The following RNF182 variants were observed in gnomAD, a reference collection of about 807,000 sequenced individuals.
RNF182 encodes ring finger protein 182.
A neutral mutation model predicts 14.4 loss-of-function variants in RNF182; 15 were observed. That is an observed-to-expected ratio of 1.04 (90% CI 0.70 to 1.60). RNF182 has a LOEUF of 1.60. RNF182 is among the 40% of genes most tolerant of loss of function. The probability of loss-of-function intolerance (pLI) is 0.00; values close to 1 mark genes in which losing one functional copy is unlikely to be tolerated. For synonymous variants in RNF182, 128 were observed against 122.9 expected (o/e 1.04, Z -0.27); for missense variants, 268 against 294.8 (o/e 0.91, Z 0.67).
intron 1 of RNF182, among the ~76,000 whole-genome samples, chr6:13,952,055 A>G (rs1759607733): frequency 6.6e-6 from 1 of 152,176 alleles, no homozygotes; most frequent in African/African-American, 2.4e-5. Context: ...TCTGGGCAAG[A>G]TGGAAAAGCA....
In RNF182 at chr6:13,978,150, G is replaced by A. The variant is rs561895189; in HGVS notation, c.*287G>A. 1.2e-4 allele frequency: 40 copies of A among 347,364 alleles called. No homozygotes were observed. In the South Asian group the frequency reaches 1.2e-3, roughly 10 times the overall value. 21.5% of individuals were successfully genotyped at this position (347,364 alleles called of 1,614,324 possible). A position where few individuals can be genotyped will look rare whatever the true frequency, so the allele number is the denominator to read the frequency against. ...TTTCTCTCAGCACTGCCAGACAGACGGCAGGGGTGTGGTGTGTTATACTAT... is the reference window on the plus strand; with the variant it reads ...TTTCTCTCAGCACTGCCAGACAGACAGCAGGGGTGTGGTGTGTTATACTAT... On this transcript the variant is annotated 3_prime_UTR_variant, in exon 3 of 3. Transcript: ENST00000488300.
chr6:13,946,438 T>TAAAG, intron 1 of RNF182, among the ~76,000 whole-genome samples: 1 of 152,150 alleles, frequency 6.6e-6, no homozygotes, highest in African/African-American at 2.4e-5. Context: ...GTGTTGGGAT[T>TAAAG]ACAGGCATGA....
At chr6:13,956,131 C>T (rs1002439102) in intron 1 of RNF182, among the ~76,000 whole-genome samples, 1 of 152,080 alleles carries the variant, frequency 6.6e-6, no homozygotes, top group African/African-American at 2.4e-5. Flanking sequence ...TTCATTCTTG[C>T]TTAGGGCTGA....
intron 1 of RNF182, among the ~76,000 whole-genome samples, chr6:13,959,565 A>G (rs1759814660): frequency 6.6e-6 from 1 of 152,194 alleles, no homozygotes; most frequent in South Asian, 2.1e-4. Context: ...CAAAACCTGG[A>G]TTAGGATGTT....
intron 1 of RNF182, among the ~76,000 whole-genome samples, chr6:13,969,108 G>T (rs9476174): frequency 0.019 from 2,873 of 149,548 alleles, 105 homozygotes; most frequent in African/African-American, 0.069. Context: ...TCTGTTTTTT[G>T]TTGTTGTTGT....
At chr6:13,951,436 G>T (rs1034817701) in intron 1 of RNF182, among the ~76,000 whole-genome samples, 1 of 152,200 alleles carries the variant, frequency 6.6e-6, no homozygotes, top group Middle Eastern at 3.2e-3. Context: ...CTCAGTTGGG[G>T]TGGGGACATT....
chr6:13,940,647 A>G (rs1300993094), intron 1 of RNF182, among the ~76,000 whole-genome samples: 2 of 151,706 alleles, frequency 1.3e-5, no homozygotes, highest in African/African-American at 4.8e-5. Flanking sequence ...TTTTGGCTTT[A>G]GGTTTTCTGT....
In RNF182 at chr6:13,977,143, C is replaced by T; in HGVS notation, c.24C>T (p.Asp8=). 2 of 1,613,828 alleles carry T rather than the reference C, an allele frequency of 1.2e-6. No homozygotes were observed. Among genetic ancestry groups the T allele is most frequent in the Non-Finnish European group, 8.5e-7 (1 of 1,179,824 alleles). ...AGATGGCCAGTCAACCTCCTGAAGA[C>T]ACTGCGGAGTCTCAGGCCTCTGATG... MASQPPE[D]TAESQASDEL... Residue 8 remains aspartate (D), a synonymous_variant, in exon 3 of 3, where the codon GAC becomes GAT. Transcript: ENST00000488300.
At chr6:13,931,963 G>A (rs1327609266) in intron 1 of RNF182, among the ~76,000 whole-genome samples, 1 of 152,192 alleles carries the variant, frequency 6.6e-6, no homozygotes, top group Non-Finnish European at 1.5e-5. Context: ...CTTCTGCCAT[G>A]TGAGAACACG....
At chr6:13,971,267 G>T (rs1313987250) in intron 1 of RNF182, among the ~76,000 whole-genome samples, 1 of 152,068 alleles carries the variant, frequency 6.6e-6, no homozygotes, top group Non-Finnish European at 1.5e-5. Flanking sequence ...GTTCTCATGA[G>T]ATCTGATGAT....
chr6:13,935,465 A>G (rs772170314), intron 1 of RNF182, among the ~76,000 whole-genome samples: 8 of 152,200 alleles, frequency 5.3e-5, no homozygotes, highest in Non-Finnish European at 1.2e-4. Flanking sequence ...CTGGCAGGAA[A>G]GTATTCCTAA....
chr6:13,944,185 GAA>G (rs1316779003), intron 1 of RNF182, among the ~76,000 whole-genome samples: 7 of 152,168 alleles, frequency 4.6e-5, no homozygotes, highest in Non-Finnish European at 8.8e-5. Flanking sequence ...AAGGTACAAG[GAA>G]AAGATTTACA....
intron 1 of RNF182, chr6:13,949,128 G>A: frequency 1.3e-6 from 1 of 773,788 alleles, no homozygotes; most frequent in Non-Finnish European, 2.4e-6. Context: ...TGCAGTGAGA[G>A]CAGCTTCAGG....
chr6:13,968,165 A>G (rs1760083264), intron 1 of RNF182, among the ~76,000 whole-genome samples: 2 of 152,210 alleles, frequency 1.3e-5, no homozygotes, highest in South Asian at 4.1e-4. Context: ...TGGTCTTTGA[A>G]AAGCACAGTA....
chr6:13,929,248 T>G (rs999326147), intron 1 of RNF182, among the ~76,000 whole-genome samples: 5 of 152,188 alleles, frequency 3.3e-5, no homozygotes, highest in Non-Finnish European at 7.4e-5. Flanking sequence ...AAAATAAAAC[T>G]GTGTGTTTGG....
chr6:13,954,106 A>G (rs1759669947), intron 1 of RNF182, among the ~76,000 whole-genome samples: 1 of 152,218 alleles, frequency 6.6e-6, no homozygotes, highest in Non-Finnish European at 1.5e-5. Flanking sequence ...AACAGTGATC[A>G]ACATATGGCC....
Position 13,977,621 on chromosome 6 carries a change from T to G in RNF182, c.502T>G (p.Trp168Gly). Residue 168 changes from tryptophan to glycine, a missense_variant, in exon 3 of 3, where the codon TGG becomes GGG. Physicochemically the swap from Trp to Gly is radical, Grantham distance 184. Coordinates refer to ENST00000488300, the MANE Select transcript of RNF182 (RefSeq NM_152737.4). ...FDSVTTVSHN[W>G]TVWNCTSLLF... ...CTCTGTCACCACTGTGTCACACAAC[T>G]GGACTGTGTGGAACTGCACGTCCCT... 6.2e-7 allele frequency: 1 copy of G among 1,614,198 alleles called. No homozygotes were observed. Among genetic ancestry groups the G allele is most frequent in the Non-Finnish European group, 8.5e-7 (1 of 1,180,026 alleles).
rs1322999059 is a variant in RNF182, at chr6:13,953,767, C to T, written c.-366-20443C>T. 5.3e-5 allele frequency among the ~76,000 whole-genome samples: 8 copies of T among 152,276 alleles called. No individual in the cohort carries two copies. The South Asian group carries it at 6.2e-4, about 12-fold the overall frequency. On this transcript the variant is annotated intron_variant, in intron 1 of 2. Coordinates refer to ENST00000488300, the MANE Select transcript of RNF182 (RefSeq NM_152737.4). ...TAGCACTCTGTGGGTCCTGCTCATGCGACATTGACCATCAAGCGTGGTAAT... is the reference window on the plus strand; with the variant it reads ...TAGCACTCTGTGGGTCCTGCTCATGTGACATTGACCATCAAGCGTGGTAAT...
chr6:13,928,731 T>G (rs1341210639), intron 1 of RNF182, among the ~76,000 whole-genome samples: 2 of 152,210 alleles, frequency 1.3e-5, no homozygotes, highest in Non-Finnish European at 2.9e-5. Flanking sequence ...CTTGCTTCTG[T>G]ATCTTATAAT....
Sources: allele counts gnomAD v4.1 joint callset (sites outside exome capture counted in the v4.1 genomes callset), GRCh38; gene constraint gnomAD v4.1.1; transcripts MANE v1.5; gene names NCBI Gene and HGNC (gene_info 2026-07-23, HGNC 2026-07-21).